Variants in HEATR3 observed in about 807,000 individuals in gnomAD.
The protein encoded by HEATR3 is HEAT repeat containing 3.
HEATR3 carries 56 observed loss-of-function variants against 72.8 expected under a neutral mutation model. The observed-to-expected ratio is 0.77, with a 90% confidence interval of 0.62 to 0.96. The LOEUF is 0.96. Among genes scored for constraint, HEATR3 ranks in the 40% least tolerant of loss-of-function variants. HEATR3 has a pLI of 0.00. For missense variants in HEATR3, 747 were observed against 831.4 expected, an observed-to-expected ratio of 0.90 and a Z score of 1.25; for synonymous variants, 331 against 318.1, an observed-to-expected ratio of 1.04 and a Z score of -0.43.
intron 11 of HEATR3, among the ~76,000 whole-genome samples, chr16:50,092,732 G>A (rs1004168175): frequency 1.6e-5 from 2 of 128,016 alleles, no homozygotes; most frequent in East Asian, 4.5e-4. Flanking sequence ...GTGAGCCACC[G>A]CGCCCGGCCC....
In HEATR3 at chr16:50,066,103, G is replaced by T. The variant is rs777589004; in HGVS notation, c.-29G>T. On this transcript the variant is annotated 5_prime_UTR_variant, in exon 1 of 15. Transcript: ENST00000299192. ...CCGCCTGCTGTTGCCCTCCTCTCTC[G>T]GTGGTCTGTCCGCCCAGCGCACGTC... The T allele has an allele frequency of 9.6e-6, 15 of 1,567,642 alleles. No homozygotes were observed. Among genetic ancestry groups the T allele is most frequent in the Non-Finnish European group, 1.1e-5 (13 of 1,159,988 alleles).
intron 11 of HEATR3, among the ~76,000 whole-genome samples, chr16:50,093,709 C>A (rs748650408): frequency 2.0e-5 from 3 of 152,202 alleles, no homozygotes; most frequent in Non-Finnish European, 2.9e-5. Context: ...ACTCACGTGT[C>A]TGGCAGTTGG....
rs1843819279 is a variant in HEATR3 at position 50,094,751 on chromosome 16, G to C, written c.1557G>C (p.Leu519Phe). The change falls in exon 12 of 15, where the codon TTG becomes TTC. Residue 519 changes from leucine (L) to phenylalanine (F), a missense_variant. Leu to Phe is a conservative substitution (Grantham distance 22). This residue lies in a region of HEATR3 where 586 missense variants were observed against 708.8 expected (regional missense o/e 0.83). Transcript: ENST00000299192. ...VDFLEAISSA[L>F]RALLQTMASK... ...TTCTAGAAGCCATAAGTAGTGCTTT[G>C]AGGGCCCTTTTGCAAACAATGGCCT... 1 of 1,596,094 alleles carries C rather than the reference G, an allele frequency of 6.3e-7. No homozygotes were observed. Among genetic ancestry groups the C allele is most frequent in the East Asian group, 2.3e-5 (1 of 44,120 alleles).
intron 13 of HEATR3, among the ~76,000 whole-genome samples, chr16:50,101,824 C>G (rs1262494618): frequency 6.6e-6 from 1 of 152,204 alleles, no homozygotes; most frequent in Non-Finnish European, 1.5e-5. Context: ...GAGCGACCCT[C>G]CCGCCTTAGC....
In HEATR3 at chr16:50,084,301, T is replaced by TA. The variant is rs770640164; in HGVS notation, c.1290+10_1290+11insA. 2.5e-6 allele frequency: 4 copies of TA among 1,612,082 alleles called. No homozygotes were observed. The highest frequency in any genetic ancestry group is 2.5e-6 in the Non-Finnish European group (3 of 1,179,438). ...CCTCATCCCAAAGAAGGTAATCCATTTTCATTCTAGGCTTACCGTGGAGCA... is the reference window on the plus strand; with the variant it reads ...CCTCATCCCAAAGAAGGTAATCCATTATTCATTCTAGGCTTACCGTGGAGCA... On this transcript the variant is annotated intron_variant, in intron 9 of 14. Transcript: ENST00000299192.
At chr16:50,072,818 G>C in intron 5 of HEATR3, 104 bp downstream of exon 5, 1 of 733,692 alleles carries the variant, frequency 1.4e-6, no homozygotes, top group Non-Finnish European at 2.4e-6. Flanking sequence ...TTTTTGTTTC[G>C]TTGTATGTGA....
intron 5 of HEATR3, chr16:50,073,474 C>T (rs949387977): frequency 1.3e-5 from 2 of 152,138 alleles, no homozygotes; most frequent in Non-Finnish European, 2.9e-5. Context: ...TGCTGTTTTT[C>T]TTGACTCTAA....
intron 4 of HEATR3, among the ~76,000 whole-genome samples, chr16:50,071,173 CT>C (rs1327273260): frequency 6.6e-6 from 1 of 152,124 alleles, no homozygotes; most frequent in African/African-American, 2.4e-5. Context: ...CCTGGATTTA[CT>C]TTTTTCTGCC....
chr16:50,070,421 C>T lies in HEATR3; in HGVS notation c.512+131C>T, dbSNP rs564398035. On this transcript the variant is annotated intron_variant, in intron 4 of 14. Transcript: ENST00000299192. ...TGGGATGTTAAGACATGGTAGGGGCCGGACATGGTGGCTCATGCCTGTAAT... is the reference window on the plus strand; with the variant it reads ...TGGGATGTTAAGACATGGTAGGGGCTGGACATGGTGGCTCATGCCTGTAAT... 13 of 391,464 alleles carry T rather than the reference C, an allele frequency of 3.3e-5. No individual in the cohort carries two copies. The South Asian group carries it at 3.3e-4, about 10-fold the overall frequency. The allele number at this position is 391,464 out of a possible 1,614,324, so 24.2% of individuals were successfully genotyped here. A position where few individuals can be genotyped will look rare whatever the true frequency, so the allele number is the denominator to read the frequency against.
At chr16:50,080,547 T>A (rs72796148) in intron 7 of HEATR3, among the ~76,000 whole-genome samples, 13,261 of 151,900 alleles carry the variant, frequency 0.087, 665 homozygotes, top group East Asian at 0.26. Flanking sequence ...TCCATGTTGG[T>A]CAGGCTGGTC....
At chr16:50,084,942 G>A (rs988311342) in intron 10 of HEATR3, among the ~76,000 whole-genome samples, 1 of 152,094 alleles carries the variant, frequency 6.6e-6, no homozygotes, top group Non-Finnish European at 1.5e-5. Flanking sequence ...CAGTAAAAGG[G>A]ATCTGAATTA....
At chr16:50,079,358 A>AG in intron 7 of HEATR3, among the ~76,000 whole-genome samples, 1 of 152,192 alleles carries the variant, frequency 6.6e-6, no homozygotes, top group African/African-American at 2.4e-5. Context: ...ACTGTCTTCA[A>AG]ACTAAAGGAA....
chr16:50,104,371 A>G (rs1355690960), intron 14 of HEATR3, among the ~76,000 whole-genome samples: 4 of 151,918 alleles, frequency 2.6e-5, no homozygotes, highest in Non-Finnish European at 5.9e-5. Context: ...AAAAACCACA[A>G]CACTACAGAC....
At chr16:50,099,557 G>C (rs918957756) in intron 12 of HEATR3, among the ~76,000 whole-genome samples, 2 of 152,182 alleles carry the variant, frequency 1.3e-5, no homozygotes, top group Admixed American at 1.3e-4. Context: ...TCTGGCTCCA[G>C]ATTCCAAGCC....
At chr16:50,098,990 C>G (rs62029888) in intron 12 of HEATR3, among the ~76,000 whole-genome samples, 11,768 of 151,534 alleles carry the variant, frequency 0.078, 543 homozygotes, top group Middle Eastern at 0.14. Context: ...TTTTTTTATA[C>G]TTTATTTTTA....
At position 50,086,324 on chromosome 16, in the gene HEATR3, C is replaced by G. The variant is rs772474863; in HGVS notation, c.1483C>G (p.Leu495Val). 1.6e-5 allele frequency: 25 copies of G among 1,599,738 alleles called. No individual in the cohort carries two copies. Among genetic ancestry groups the G allele is most frequent in the Non-Finnish European group, 2.0e-5 (23 of 1,173,100 alleles). The part of the protein sequence containing the change: ...AAALQTLAQH[L>V]SQLLFSQPDF... ...AGCCCTTCAGACGCTTGCACAGCAT[C>G]TGTCACAGCTGCTTTTTTCTCAACC... The change falls in exon 11 of 15, where the codon CTG becomes GTG. Residue 495 changes from leucine to valine, a missense_variant. Coordinates refer to ENST00000299192, the MANE Select transcript of HEATR3 (RefSeq NM_182922.4).
chr16:50,098,511 C>A (rs2037295670), intron 12 of HEATR3, among the ~76,000 whole-genome samples: 1 of 151,964 alleles, frequency 6.6e-6, no homozygotes, highest in Non-Finnish European at 1.5e-5. Flanking sequence ...AAAAAATTAG[C>A]CGGGTGTGGT....
At chr16:50,076,055 A>T (rs904798569) in intron 6 of HEATR3, among the ~76,000 whole-genome samples, 1 of 152,012 alleles carries the variant, frequency 6.6e-6, no homozygotes, top group Non-Finnish European at 1.5e-5. Context: ...TTCTCTGCAG[A>T]ATGTCTGAAT....
intron 7 of HEATR3, among the ~76,000 whole-genome samples, chr16:50,081,441 T>G (rs2036863919): frequency 6.6e-6 from 1 of 152,134 alleles, no homozygotes; most frequent in Non-Finnish European, 1.5e-5. Context: ...CGAGACTCTG[T>G]TTCAGAAAAA....
Sources: allele counts gnomAD v4.1 joint callset (sites outside exome capture counted in the v4.1 genomes callset), GRCh38; gene constraint gnomAD v4.1.1; regional missense constraint gnomAD v4.1.1; transcripts MANE v1.5; gene names NCBI Gene and HGNC (gene_info 2026-07-23, HGNC 2026-07-21).